Variants in ZNF385B observed in about 807,000 individuals in gnomAD.
ZNF385B encodes the protein zinc finger protein 385B.
ZNF385B carries 23 observed loss-of-function variants against 39.2 expected under a neutral mutation model. That is an observed-to-expected ratio of 0.59 (90% CI 0.42 to 0.83). The LOEUF is 0.83. ZNF385B is among the 40% of genes least tolerant of loss of function. ZNF385B has a pLI of 0.00. For synonymous variants in ZNF385B, 205 were observed against 222.6 expected (o/e 0.92, Z 0.70); for missense variants, 552 against 598.9 (o/e 0.92, Z 0.82).
At chr2:179,702,802 C>T (rs527411625) in intron 3 of ZNF385B, among the ~76,000 whole-genome samples, 18 of 152,212 alleles carry the variant, frequency 1.2e-4, no homozygotes, top group Non-Finnish European at 2.1e-4. Context: ...AGTAATTGCT[C>T]GGTAAATAGA....
chr2:179,716,677 C>T (rs960804883), intron 3 of ZNF385B, among the ~76,000 whole-genome samples: 1 of 152,120 alleles, frequency 6.6e-6, no homozygotes, highest in Admixed American at 6.5e-5. Context: ...TTTTAACCAA[C>T]AGAATGTGGT....
intron 3 of ZNF385B, among the ~76,000 whole-genome samples, chr2:179,680,862 C>T (rs1697450006): frequency 6.6e-6 from 1 of 151,990 alleles, no homozygotes; most frequent in Non-Finnish European, 1.5e-5. Flanking sequence ...CAGAACCATC[C>T]TGTGAGAGAT....
intron 4 of ZNF385B, among the ~76,000 whole-genome samples, chr2:179,538,657 A>G (rs568226673): frequency 3.4e-4 from 52 of 152,220 alleles, no homozygotes; most frequent in Non-Finnish European, 6.2e-4. Context: ...AGTGGTTTGG[A>G]ACTTTATACT....
chr2:179,704,370 G>A (rs1488340776), intron 3 of ZNF385B, among the ~76,000 whole-genome samples: 1 of 152,152 alleles, frequency 6.6e-6, no homozygotes, highest in Non-Finnish European at 1.5e-5. Flanking sequence ...AGTAACTCTA[G>A]GATGTAGGAT....
chr2:179,481,961 T>C (rs112003814), intron 6 of ZNF385B, among the ~76,000 whole-genome samples: 8 of 152,332 alleles, frequency 5.3e-5, no homozygotes, highest in African/African-American at 1.9e-4. Flanking sequence ...CAGAAGGTTT[T>C]GTTCTTTACA....
At chr2:179,476,107 T>A (rs2053424539) in intron 6 of ZNF385B, among the ~76,000 whole-genome samples, 2 of 151,864 alleles carry the variant, frequency 1.3e-5, no homozygotes, top group African/African-American at 2.4e-5. Context: ...CACGTATTTA[T>A]TGAGGAGCTC....
At chr2:179,483,581 T>C in intron 5 of ZNF385B, 147 bp from the exon 6 acceptor site, 1 of 1,019,754 alleles carries the variant, frequency 9.8e-7, no homozygotes, top group Non-Finnish European at 1.4e-6. Flanking sequence ...CTTCATGAAA[T>C]GGTAGACCAG....
chr2:179,476,508 CT>C (rs760216419), intron 6 of ZNF385B, among the ~76,000 whole-genome samples: 28 of 152,168 alleles, frequency 1.8e-4, no homozygotes, highest in Non-Finnish European at 3.5e-4. Flanking sequence ...TCAGCCTCAA[CT>C]TTTGGTTCAC....
intron 3 of ZNF385B, among the ~76,000 whole-genome samples, chr2:179,556,934 G>A (rs1457163711): frequency 1.3e-5 from 2 of 148,942 alleles, no homozygotes; most frequent in Admixed American, 6.7e-5. Flanking sequence ...AAGACCTAAC[G>A]GCAGTGCAGA....
intron 3 of ZNF385B, among the ~76,000 whole-genome samples, chr2:179,650,608 G>A (rs1270525980): frequency 6.6e-6 from 1 of 152,188 alleles, no homozygotes; most frequent in Non-Finnish European, 1.5e-5. Context: ...CCTGTAACAA[G>A]CTGTCATGTG....
At chr2:179,833,974 G>C (rs1708114819) in intron 1 of ZNF385B, among the ~76,000 whole-genome samples, 1 of 151,984 alleles carries the variant, frequency 6.6e-6, no homozygotes, top group African/African-American at 2.4e-5. Flanking sequence ...TAAAATTAGG[G>C]AGTGGGTTAT....
At chr2:179,758,501 C>T (rs1421890452) in intron 3 of ZNF385B, among the ~76,000 whole-genome samples, 1 of 152,180 alleles carries the variant, frequency 6.6e-6, no homozygotes, top group Non-Finnish European at 1.5e-5. Context: ...GCCTAATCAC[C>T]TCTCAAAGGC....
intron 3 of ZNF385B, among the ~76,000 whole-genome samples, chr2:179,553,422 TAAGAA>T (rs1310948446): frequency 6.7e-6 from 1 of 149,380 alleles, no homozygotes; most frequent in Non-Finnish European, 1.5e-5. Flanking sequence ...CTTTTTAAGA[TAAGAA>T]AATAATAATA....
chr2:179,658,368 A>G (rs1370213243), intron 3 of ZNF385B, among the ~76,000 whole-genome samples: 2 of 152,218 alleles, frequency 1.3e-5, no homozygotes, highest in Non-Finnish European at 2.9e-5. Context: ...AAAATCTCCA[A>G]TGCATTTTAC....
intron 1 of ZNF385B, among the ~76,000 whole-genome samples, chr2:179,853,888 T>C (rs549417494): frequency 6.6e-6 from 1 of 152,286 alleles, no homozygotes; most frequent in East Asian, 1.9e-4. Flanking sequence ...GAAATTTGCA[T>C]CCACAAAATA....
chr2:179,774,025 TTGTGGTC>T (rs1330445436), intron 1 of ZNF385B, among the ~76,000 whole-genome samples: 1 of 151,848 alleles, frequency 6.6e-6, no homozygotes, highest in Non-Finnish European at 1.5e-5. Context: ...CTTTATGTGT[TTGTGGTC>T]TGTGGTACAT....
intron 1 of ZNF385B, among the ~76,000 whole-genome samples, chr2:179,796,769 C>T (rs935043002): frequency 6.6e-6 from 1 of 152,116 alleles, no homozygotes; most frequent in African/African-American, 2.4e-5. Flanking sequence ...CTCAAAGCCT[C>T]CACTCCTGTG....
At chr2:179,495,573 C>T (rs2105695668) in intron 5 of ZNF385B, among the ~76,000 whole-genome samples, 1 of 152,314 alleles carries the variant, frequency 6.6e-6, no homozygotes, top group South Asian at 2.1e-4. Context: ...TGTGCTGGCT[C>T]TAGGTCTCAC....
At chr2:179,522,176 G>A (rs2058552158) in intron 4 of ZNF385B, among the ~76,000 whole-genome samples, 1 of 152,114 alleles carries the variant, frequency 6.6e-6, no homozygotes, top group Non-Finnish European at 1.5e-5. Context: ...AAATACTCGA[G>A]TCATTTCAAT....
Sources: allele counts gnomAD v4.1 joint callset (sites outside exome capture counted in the v4.1 genomes callset), GRCh38; gene constraint gnomAD v4.1.1; transcripts MANE v1.5; gene names NCBI Gene and HGNC (gene_info 2026-07-23, HGNC 2026-07-21).